The following RNF130 variants were observed in gnomAD, a reference collection of about 807,000 sequenced individuals.
RNF130 encodes the protein E3 ubiquitin-protein ligase RNF130.
Under a neutral mutation model 44.6 loss-of-function variants are expected in RNF130, and 21 were observed. That is an observed-to-expected ratio of 0.47 (90% CI 0.33 to 0.68). The LOEUF is 0.68. Among genes scored for constraint, RNF130 ranks in the 30% least tolerant of loss-of-function variants. RNF130 has a pLI of 0.02. For missense variants in RNF130, 479 were observed against 560.6 expected (o/e 0.85, Z 1.47); for synonymous variants, 214 against 210.4 (o/e 1.02, Z -0.15).
At position 180,007,355 on chromosome 5, in the gene RNF130, C is replaced by T. The variant is rs544273329; in HGVS notation, c.693+5706G>A. 1.1e-4 allele frequency among the ~76,000 whole-genome samples: 17 copies of T among 152,236 alleles called. No individual in the cohort carries two copies. The South Asian group carries it at 2.7e-3, about 24-fold the overall frequency. ...GGCAGAGGTTGCAGTGAGCCAAGAT[C>T]GCGCCACTGCACTCCAGCCTGGGTG... On this transcript the variant is annotated intron_variant, in intron 3 of 8. Transcript: ENST00000521389.
At chr5:179,941,985 A>G (rs1024024685) in intron 7 of RNF130, among the ~76,000 whole-genome samples, 1 of 152,138 alleles carries the variant, frequency 6.6e-6, no homozygotes, top group Admixed American at 6.6e-5. Flanking sequence ...TTGCTGTTTT[A>G]TGTCTTTCTT....
chr5:180,067,527 T>C (rs1765135987), intron 1 of RNF130, among the ~76,000 whole-genome samples: 1 of 152,060 alleles, frequency 6.6e-6, no homozygotes, highest in African/African-American at 2.4e-5. Flanking sequence ...GATCAAGTGG[T>C]TTTTAAAAAA....
At chr5:180,006,591 TAAG>T (rs1240143923) in intron 3 of RNF130, among the ~76,000 whole-genome samples, 1 of 152,244 alleles carries the variant, frequency 6.6e-6, no homozygotes, top group African/African-American at 2.4e-5. Context: ...TGGGAAGTTT[TAAG>T]AATACATTCT....
At chr5:180,005,828 T>C (rs1160201379) in intron 3 of RNF130, among the ~76,000 whole-genome samples, 1 of 152,238 alleles carries the variant, frequency 6.6e-6, no homozygotes, top group African/African-American at 2.4e-5. Flanking sequence ...AGCTCATTCT[T>C]GAATTCATTG....
chr5:180,039,453 G>T (rs1582211333), intron 2 of RNF130, among the ~76,000 whole-genome samples: 1 of 152,036 alleles, frequency 6.6e-6, no homozygotes, highest in Non-Finnish European at 1.5e-5. Flanking sequence ...GGCCAGGGTG[G>T]TTTCAAACTC....
intron 1 of RNF130, among the ~76,000 whole-genome samples, chr5:180,046,239 C>G (rs769940188): frequency 1.3e-5 from 2 of 152,194 alleles, no homozygotes; most frequent in Admixed American, 6.5e-5. Flanking sequence ...AGCTCACACC[C>G]ACGCAGAACT....
chr5:179,958,131 T>C (rs705448), intron 8 of RNF130, among the ~76,000 whole-genome samples: 107,616 of 151,994 alleles, frequency 0.71, 39,722 homozygotes, highest in African/African-American at 0.92. Context: ...CCCGCCTCGG[T>C]CTCCCAAAGT....
intron 1 of RNF130, among the ~76,000 whole-genome samples, chr5:180,044,202 G>A (rs189007336): frequency 6.6e-6 from 1 of 152,120 alleles, no homozygotes; most frequent in East Asian, 1.9e-4. Context: ...CGGTACTTCC[G>A]TTTTTCTTAC....
intron 2 of RNF130, among the ~76,000 whole-genome samples, chr5:180,033,872 T>C (rs949675886): frequency 1.3e-5 from 2 of 152,338 alleles, no homozygotes; most frequent in African/African-American, 4.8e-5. Flanking sequence ...CCCAACTGGA[T>C]GTCTTTTATT....
intron 7 of RNF130, among the ~76,000 whole-genome samples, chr5:179,947,337 C>T (rs1353908474): frequency 3.3e-5 from 5 of 152,202 alleles, no homozygotes; most frequent in Non-Finnish European, 7.3e-5. Flanking sequence ...CCATCCAGCC[C>T]TAGGACACGT....
At chr5:180,067,675 A>G (rs1765139155) in intron 1 of RNF130, among the ~76,000 whole-genome samples, 1 of 152,190 alleles carries the variant, frequency 6.6e-6, no homozygotes, top group African/African-American at 2.4e-5. Context: ...TTGCCAGCCT[A>G]TTTATGTTAA....
intron 8 of RNF130, among the ~76,000 whole-genome samples, chr5:179,957,449 G>C (rs1762235661): frequency 6.6e-6 from 1 of 152,122 alleles, no homozygotes; most frequent in South Asian, 2.1e-4. Context: ...AATAACCACT[G>C]CCAAAGAGAG....
chr5:180,028,562 AGAAC>A (rs34647134), intron 2 of RNF130, among the ~76,000 whole-genome samples: 101,527 of 151,418 alleles, frequency 0.67, 34,344 homozygotes, highest in African/African-American at 0.75. Context: ...GACCTGGGTC[AGAAC>A]CCCTTTCGTA....
chr5:179,992,235 G>A (rs1182817715), intron 3 of RNF130, among the ~76,000 whole-genome samples: 1 of 152,230 alleles, frequency 6.6e-6, no homozygotes, highest in Admixed American at 6.5e-5. Context: ...TCTGCCTCCC[G>A]AGTTCACGCC....
At chr5:179,937,706 C>A (rs563183915) in intron 7 of RNF130, among the ~76,000 whole-genome samples, 21 of 152,032 alleles carry the variant, frequency 1.4e-4, no homozygotes, top group Non-Finnish European at 2.4e-4. Flanking sequence ...AGGTATATAA[C>A]CCAAAGAATT....
At chr5:179,965,501 T>C (rs1181382497) in intron 7 of RNF130, among the ~76,000 whole-genome samples, 4 of 152,250 alleles carry the variant, frequency 2.6e-5, no homozygotes, top group African/African-American at 9.6e-5. Flanking sequence ...TAAAATGTAA[T>C]GGGATCAGTA....
intron 2 of RNF130, among the ~76,000 whole-genome samples, chr5:180,014,343 C>T (rs536824995): frequency 3.2e-4 from 48 of 152,276 alleles, no homozygotes; most frequent in African/African-American, 1.1e-3. Context: ...AATCTATCAG[C>T]GATTGTCCTT....
chr5:179,976,493 G>C (rs1762718607), intron 5 of RNF130, among the ~76,000 whole-genome samples: 1 of 152,202 alleles, frequency 6.6e-6, no homozygotes, highest in South Asian at 2.1e-4. Context: ...ATTTGCACTG[G>C]CGTGTGCATT....
intron 3 of RNF130, among the ~76,000 whole-genome samples, chr5:180,007,794 T>C (rs899584807): frequency 6.6e-6 from 1 of 152,014 alleles, no homozygotes; most frequent in African/African-American, 2.4e-5. Context: ...CCACACTGGG[T>C]GCTAATTAAA....
Sources: allele counts gnomAD v4.1 joint callset (sites outside exome capture counted in the v4.1 genomes callset), GRCh38; gene constraint gnomAD v4.1.1; transcripts MANE v1.5; gene names NCBI Gene and HGNC (gene_info 2026-07-23, HGNC 2026-07-21).